KCNIP4: variants seen among roughly 807,000 people sequenced by gnomAD.
The protein encoded by KCNIP4 is potassium voltage-gated channel interacting protein 4.
A neutral mutation model predicts 34.0 loss-of-function variants in KCNIP4; 12 were observed. The ratio of observed to expected loss-of-function variants is 0.35; its 90% confidence interval spans 0.23 to 0.57. The LOEUF (loss-of-function observed/expected upper bound fraction) is 0.57, where lower values mean the gene tolerates loss of function less well. KCNIP4 is among the 20% of genes least tolerant of loss of function. The pLI, the probability that KCNIP4 is intolerant of heterozygous loss-of-function variation, is 0.83. For synonymous variants in KCNIP4, 124 were observed against 102.2 expected (o/e 1.21, Z -1.29); for missense variants, 238 against 311.7 (o/e 0.76, Z 1.78).
intron 1 of KCNIP4, among the ~76,000 whole-genome samples, chr4:21,547,684 C>T (rs768832231): frequency 1.3e-5 from 2 of 152,046 alleles, no homozygotes; most frequent in African/African-American, 2.4e-5. Context: ...TACATAAGGC[C>T]GAATGTCTGT....
At position 21,108,391 on chromosome 4, in the gene KCNIP4, G is replaced by A. The variant is rs187520302; in HGVS notation, c.62-225682C>T. On this transcript the variant is annotated intron_variant, in intron 1 of 8. Transcript: ENST00000382152. ...ACCCTTTCTTCCAGTTGATCGCATC[G>A]GCTCCTGAGGCTTCTGCATTCTTCA... Among the ~76,000 whole-genome samples the A allele has an allele frequency of 1.5e-4, 23 of 150,652 alleles. 1 individual carries two copies. The highest frequency in any genetic ancestry group is 3.7e-4 in the African/African-American group (15 of 40,284).
chr4:21,730,619 A>T (rs1438447242), intron 1 of KCNIP4, among the ~76,000 whole-genome samples: 1 of 152,192 alleles, frequency 6.6e-6, no homozygotes, highest in Non-Finnish European at 1.5e-5. Context: ...GAGGGAAAAA[A>T]ATTAATAAAA....
rs1260204371 is a variant in KCNIP4 at position 21,589,241 on chromosome 4, T to TATATGTATGGATAC, written c.61+359329_61+359330insGTATCCATACATAT. Among the ~76,000 whole-genome samples, 213 of 104,188 alleles carry TATATGTATGGATAC rather than the reference T, an allele frequency of 2.0e-3. 12 individuals carry two copies. In the South Asian group the frequency reaches 0.055, roughly 27 times the overall value. 68.4% of individuals were successfully genotyped at this position (104,188 alleles called of 152,430 possible). ...GTACACATGTATCTATACAGATACA[T>TATATGTATGGATAC]ATATACATATATGTATCTATACAGA... On this transcript the variant is annotated intron_variant, in intron 1 of 8. Coordinates refer to ENST00000382152, the MANE Select transcript of KCNIP4 (RefSeq NM_025221.6).
chr4:21,383,750 T>C (rs1231032392), intron 1 of KCNIP4, among the ~76,000 whole-genome samples: 1 of 152,148 alleles, frequency 6.6e-6, no homozygotes, highest in East Asian at 1.9e-4. Context: ...TCTCTGTCCC[T>C]ACTACGCTGT....
chr4:21,015,974 C>T (rs1739502780), intron 1 of KCNIP4, among the ~76,000 whole-genome samples: 1 of 143,648 alleles, frequency 7.0e-6, no homozygotes, highest in Admixed American at 7.1e-5. Flanking sequence ...TACGGCATGT[C>T]AGGTACTATG....
intron 1 of KCNIP4, among the ~76,000 whole-genome samples, chr4:20,967,310 C>A (rs539779816): frequency 6.6e-6 from 1 of 152,118 alleles, no homozygotes; most frequent in Non-Finnish European, 1.5e-5. Context: ...ACATTCCATG[C>A]TCATGGATAG....
intron 1 of KCNIP4, among the ~76,000 whole-genome samples, chr4:21,098,081 C>G (rs1747617735): frequency 6.6e-6 from 1 of 152,130 alleles, no homozygotes; most frequent in East Asian, 1.9e-4. Flanking sequence ...CACGATATTC[C>G]CTTAAGCCAA....
chr4:21,568,862 T>G (rs2109047228), intron 1 of KCNIP4, among the ~76,000 whole-genome samples: 1 of 152,202 alleles, frequency 6.6e-6, no homozygotes, highest in South Asian at 2.1e-4. Context: ...TCTTCATATA[T>G]TCATCTATCC....
chr4:21,462,729 AT>A (rs1729568874), intron 1 of KCNIP4, among the ~76,000 whole-genome samples: 3 of 16,940 alleles, frequency 1.8e-4, no homozygotes, highest in African/African-American at 8.7e-4. Context: ...CACAAATGAT[AT>A]AGGATTTTAT....
intron 1 of KCNIP4, among the ~76,000 whole-genome samples, chr4:21,814,351 C>G (rs2109276151): frequency 6.6e-6 from 1 of 152,116 alleles, no homozygotes; most frequent in South Asian, 2.1e-4. Flanking sequence ...TGGGAGGGAC[C>G]CAGTGTGAGG....
chr4:21,769,777 C>A (rs1441765616), intron 1 of KCNIP4, among the ~76,000 whole-genome samples: 1 of 151,542 alleles, frequency 6.6e-6, no homozygotes, highest in Non-Finnish European at 1.5e-5. Flanking sequence ...TATTAATGGG[C>A]TAGCCATCTC....
intron 1 of KCNIP4, among the ~76,000 whole-genome samples, chr4:21,685,707 T>C (rs1750755997): frequency 6.6e-6 from 1 of 152,238 alleles, no homozygotes; most frequent in Non-Finnish European, 1.5e-5. Context: ...GATCCAAGAA[T>C]ATATTCTGAC....
intron 1 of KCNIP4, among the ~76,000 whole-genome samples, chr4:21,170,450 G>T (rs891561614): frequency 2.0e-5 from 3 of 152,128 alleles, no homozygotes; most frequent in Admixed American, 6.6e-5. Flanking sequence ...ATTTGGGATT[G>T]TCAGCAAACA....
At chr4:20,858,584 T>C (rs1361463144) in intron 2 of KCNIP4, among the ~76,000 whole-genome samples, 6 of 152,114 alleles carry the variant, frequency 3.9e-5, no homozygotes, top group African/African-American at 9.7e-5. Context: ...ATTTTATAAA[T>C]GAGAAAATTG....
At chr4:21,049,431 G>A (rs1371982490) in intron 1 of KCNIP4, among the ~76,000 whole-genome samples, 1 of 152,152 alleles carries the variant, frequency 6.6e-6, no homozygotes, top group Non-Finnish European at 1.5e-5. Context: ...TAATATTCAT[G>A]ATGACTGACC....
At chr4:20,894,701 C>G (rs1246295508) in intron 1 of KCNIP4, among the ~76,000 whole-genome samples, 8 of 152,142 alleles carry the variant, frequency 5.3e-5, no homozygotes, top group Non-Finnish European at 1.2e-4. Flanking sequence ...AATTAAGCAC[C>G]TATTTGGCAC....
At chr4:20,776,445 T>C (rs765625054) in intron 3 of KCNIP4, among the ~76,000 whole-genome samples, 4 of 152,298 alleles carry the variant, frequency 2.6e-5, no homozygotes, top group Non-Finnish European at 5.9e-5. Flanking sequence ...TGGGGTGGTT[T>C]ATTCTCTGTA....
intron 1 of KCNIP4, among the ~76,000 whole-genome samples, chr4:21,891,148 T>A (rs1426347926): frequency 3.9e-5 from 6 of 152,064 alleles, no homozygotes; most frequent in African/African-American, 1.4e-4. Context: ...ATTTCTTAGA[T>A]GTTCCTCATA....
intron 1 of KCNIP4, among the ~76,000 whole-genome samples, chr4:21,225,828 G>A (rs1024874296): frequency 6.6e-6 from 1 of 152,128 alleles, no homozygotes; most frequent in Non-Finnish European, 1.5e-5. Flanking sequence ...TTGGAGACAA[G>A]ATAGGCTTAG....
Sources: allele counts gnomAD v4.1 joint callset (sites outside exome capture counted in the v4.1 genomes callset), GRCh38; gene constraint gnomAD v4.1.1; transcripts MANE v1.5; gene names NCBI Gene and HGNC (gene_info 2026-07-23, HGNC 2026-07-21).